Variants in MARCHF1 observed in about 807,000 individuals in gnomAD.
MARCHF1 encodes the protein membrane associated ring-CH-type finger 1, also known as E3 ubiquitin-protein ligase MARCHF1.
Under a neutral mutation model 54.2 loss-of-function variants are expected in MARCHF1, and 40 were observed. The ratio of observed to expected loss-of-function variants is 0.74; its 90% CI spans 0.57 to 0.96. MARCHF1 has a LOEUF of 0.96. Among genes scored for constraint, MARCHF1 ranks in the 40% least tolerant of loss-of-function variants. The pLI is 0.00. For synonymous variants in MARCHF1, 236 were observed against 236.3 expected (o/e 1.00, Z 0.01); for missense variants, 586 against 656.5 (o/e 0.89, Z 1.17).
intron 4 of MARCHF1, among the ~76,000 whole-genome samples, chr4:163,735,087 T>G (rs1276671334): frequency 1.3e-5 from 2 of 152,148 alleles, no homozygotes; most frequent in African/African-American, 4.8e-5. Context: ...TGCATAAACC[T>G]TCCCTACGGA....
rs10013489 is a variant in MARCHF1, at chr4:163,955,121, C to T, written c.-39+33380G>A. ...GGAATGTATGTTTCCATGCTTTATA[C>T]TAAAATTTACTTTTGGGGAGGGATA... On this transcript the variant is annotated intron_variant, in intron 3 of 9. Transcript: ENST00000514618. Among the ~76,000 whole-genome samples the T allele has an allele frequency of 0.017, 2,560 of 148,996 alleles. 136 individuals carry two copies. The East Asian group carries it at 0.19, about 11-fold the overall frequency.
At chr4:164,044,779 T>C (rs76568063) in intron 2 of MARCHF1, among the ~76,000 whole-genome samples, 3,704 of 151,994 alleles carry the variant, frequency 0.024, 140 homozygotes, top group African/African-American at 0.08. Context: ...ATACATACTA[T>C]AGATTCTCTA....
At chr4:163,701,580 A>G (rs1744810330) in intron 4 of MARCHF1, among the ~76,000 whole-genome samples, 1 of 152,226 alleles carries the variant, frequency 6.6e-6, no homozygotes, top group Non-Finnish European at 1.5e-5. Context: ...TTTGAAGCCC[A>G]GAGACATTGT....
At chr4:164,073,226 C>T (rs970590176) in intron 2 of MARCHF1, among the ~76,000 whole-genome samples, 1 of 152,062 alleles carries the variant, frequency 6.6e-6, no homozygotes, top group African/African-American at 2.4e-5. Flanking sequence ...TTCGCAATAG[C>T]AAAGACTTAG....
chr4:164,382,669 A>G (rs1578918128), intron 1 of MARCHF1, among the ~76,000 whole-genome samples: 1 of 152,286 alleles, frequency 6.6e-6, no homozygotes, highest in East Asian at 1.9e-4. Flanking sequence ...TCTGATAGGT[A>G]CCACCGCTTC....
chr4:163,779,039 TCTC>T (rs1166761627), intron 4 of MARCHF1, among the ~76,000 whole-genome samples: 3 of 152,180 alleles, frequency 2.0e-5, no homozygotes, highest in East Asian at 1.9e-4. Flanking sequence ...AATTTTCTCA[TCTC>T]CTCTTTTCAA....
intron 3 of MARCHF1, among the ~76,000 whole-genome samples, chr4:163,865,519 A>C (rs554143280): frequency 6.6e-6 from 1 of 151,866 alleles, no homozygotes; most frequent in Admixed American, 6.6e-5. Context: ...TTTACTAGCC[A>C]CATGCAGCCT....
At chr4:163,558,575 G>GGGACAAA (rs1234700177) in intron 8 of MARCHF1, among the ~76,000 whole-genome samples, 3 of 152,208 alleles carry the variant, frequency 2.0e-5, no homozygotes, top group Non-Finnish European at 4.4e-5. Flanking sequence ...CAACAGCTGA[G>GGGACAAA]GGACAGCCCG....
At chr4:163,991,152 A>C (rs58609595) in intron 2 of MARCHF1, among the ~76,000 whole-genome samples, 1 of 152,182 alleles carries the variant, frequency 6.6e-6, no homozygotes, top group Non-Finnish European at 1.5e-5. Context: ...TATTTCTTAG[A>C]GTATTTTACA....
intron 1 of MARCHF1, among the ~76,000 whole-genome samples, chr4:164,211,378 G>A (rs1392473893): frequency 7.1e-6 from 1 of 141,002 alleles, no homozygotes; most frequent in South Asian, 2.3e-4. Context: ...CTGCATATTT[G>A]TATATATATA....
intron 2 of MARCHF1, among the ~76,000 whole-genome samples, chr4:164,048,077 A>T (rs1223660104): frequency 6.6e-6 from 1 of 152,200 alleles, no homozygotes; most frequent in African/African-American, 2.4e-5. Flanking sequence ...CTCAATACAT[A>T]CATATAACAT....
chr4:164,051,098 C>T (rs1383889317), intron 2 of MARCHF1, among the ~76,000 whole-genome samples: 1 of 152,108 alleles, frequency 6.6e-6, no homozygotes. Flanking sequence ...CTCCTGTGTG[C>T]ACCACGAATT....
intron 3 of MARCHF1, among the ~76,000 whole-genome samples, chr4:163,941,471 G>A (rs1182180201): frequency 6.6e-6 from 1 of 152,124 alleles, no homozygotes; most frequent in Non-Finnish European, 1.5e-5. Flanking sequence ...AATTAGTTAG[G>A]TAGGTTAAAT....
At chr4:163,539,347 C>A (rs569880097) in intron 9 of MARCHF1, among the ~76,000 whole-genome samples, 1 of 152,224 alleles carries the variant, frequency 6.6e-6, no homozygotes, top group South Asian at 2.1e-4. Flanking sequence ...AAGCTAAAGC[C>A]AACTGATACA....
chr4:164,015,786 A>G (rs970658503), intron 2 of MARCHF1, among the ~76,000 whole-genome samples: 1 of 152,156 alleles, frequency 6.6e-6, no homozygotes, highest in East Asian at 1.9e-4. Context: ...AAAATGGCTT[A>G]TATCCGAAAG....
At chr4:164,124,065 T>A (rs965060570) in intron 1 of MARCHF1, among the ~76,000 whole-genome samples, 3 of 151,796 alleles carry the variant, frequency 2.0e-5, no homozygotes, top group African/African-American at 7.3e-5. Flanking sequence ...AAAAAAATTG[T>A]AATAATCTGA....
At chr4:163,869,688 T>C (rs2111213363) in intron 3 of MARCHF1, among the ~76,000 whole-genome samples, 1 of 152,242 alleles carries the variant, frequency 6.6e-6, no homozygotes, top group South Asian at 2.1e-4. Context: ...TCTACTTTTT[T>C]TAAGACTAGA....
At chr4:164,382,790 T>C (rs545759406) in intron 1 of MARCHF1, among the ~76,000 whole-genome samples, 1 of 152,290 alleles carries the variant, frequency 6.6e-6, no homozygotes, top group African/African-American at 2.4e-5. Flanking sequence ...ATATAGCACT[T>C]ATAGGCGAGA....
At chr4:164,092,490 G>GA (rs1194614863) in intron 2 of MARCHF1, among the ~76,000 whole-genome samples, 9 of 152,126 alleles carry the variant, frequency 5.9e-5, no homozygotes, top group African/African-American at 2.2e-4. Flanking sequence ...TCAACGGGAT[G>GA]TGATATATAT....
Sources: gnomAD v4.1 joint callset for allele counts (sites outside exome capture counted in the v4.1 genomes callset) on GRCh38, gnomAD v4.1.1 for gene constraint, MANE v1.5 for transcripts, NCBI Gene and HGNC (gene_info 2026-07-23, HGNC 2026-07-21) for gene names.